Variants in NEK11 observed in about 807,000 individuals in gnomAD.
NEK11 encodes the protein serine/threonine-protein kinase Nek11.
In NEK11, 72 loss-of-function variants were observed where a neutral mutation model predicts 80.7. The observed-to-expected ratio is 0.89, with a 90% CI of 0.74 to 1.08. NEK11 has a LOEUF of 1.08. Among genes scored for constraint, NEK11 ranks in the 50% least tolerant of loss-of-function variants. The pLI is 0.00. For synonymous variants in NEK11, 251 were observed against 260.7 expected, an observed-to-expected ratio of 0.96 and a Z score of 0.36; for missense variants, 764 against 763.6, an observed-to-expected ratio of 1.00 and a Z score of -0.01.
intron 16 of NEK11, among the ~76,000 whole-genome samples, chr3:131,264,924 C>T (rs1561272074): frequency 2.0e-5 from 3 of 152,056 alleles, no homozygotes; most frequent in Non-Finnish European, 4.4e-5. Flanking sequence ...TGAAGAGGTC[C>T]TTCACATCCC....
chr3:131,224,647 A>G (rs1163682710), intron 14 of NEK11, among the ~76,000 whole-genome samples: 1 of 152,156 alleles, frequency 6.6e-6, no homozygotes, highest in Admixed American at 6.5e-5. Flanking sequence ...CACTGTTATC[A>G]CAGTAGATGG....
Position 131,089,512 on chromosome 3 carries a change from C to T in NEK11, c.336+8924C>T, listed in dbSNP as rs576633757. 4.6e-5 allele frequency among the ~76,000 whole-genome samples: 7 copies of T among 152,286 alleles called. No homozygotes were observed. The East Asian group carries it at 9.6e-4, about 21-fold the overall frequency. ...TGAGGGCAGTGATGGGATCTTGGCT[C>T]ACTGTAACCTCTGCCTCCTAGGTTC... On this transcript the variant is annotated intron_variant, in intron 4 of 17. Transcript: ENST00000383366.
At chr3:131,309,448 C>T (rs2096755291) in intron 17 of NEK11, among the ~76,000 whole-genome samples, 1 of 152,098 alleles carries the variant, frequency 6.6e-6, no homozygotes, top group South Asian at 2.1e-4. Flanking sequence ...CTGTCAGAAG[C>T]ATATATGTCT....
intron 14 of NEK11, among the ~76,000 whole-genome samples, chr3:131,195,482 A>G (rs2093965741): frequency 6.6e-6 from 1 of 152,078 alleles, no homozygotes; most frequent in Non-Finnish European, 1.5e-5. Context: ...CTCACCATGT[A>G]CCTAGTTCAT....
chr3:131,113,741 T>C (rs1026443003), intron 5 of NEK11, among the ~76,000 whole-genome samples: 1 of 151,842 alleles, frequency 6.6e-6, no homozygotes, highest in Admixed American at 6.6e-5. Flanking sequence ...TGAAACCCCA[T>C]CTCTACTGAA....
intron 4 of NEK11, among the ~76,000 whole-genome samples, chr3:131,096,458 T>A (rs2077445781): frequency 1.3e-5 from 2 of 152,196 alleles, no homozygotes; most frequent in South Asian, 4.1e-4. Flanking sequence ...TCCATGTCTT[T>A]GCTGTTGTGA....
chr3:131,145,243 C>A (rs2149733276), intron 7 of NEK11, among the ~76,000 whole-genome samples: 1 of 152,194 alleles, frequency 6.6e-6, no homozygotes, highest in East Asian at 1.9e-4. Context: ...TGGCCTCAAC[C>A]ATTGTCCCAC....
intron 17 of NEK11, 38 bp from the exon 18 acceptor site, chr3:131,349,519 G>A (rs1405825386): frequency 5.2e-6 from 8 of 1,535,364 alleles, no homozygotes; most frequent in African/African-American, 1.4e-5. Flanking sequence ...TGATCTTAAT[G>A]TGTAACTCTT....
intron 4 of NEK11, among the ~76,000 whole-genome samples, chr3:131,094,685 G>A (rs1222562299): frequency 6.6e-6 from 1 of 152,172 alleles, no homozygotes; most frequent in Non-Finnish European, 1.5e-5. Flanking sequence ...TGACGGGAAA[G>A]CTTCTGTACA....
At chr3:131,227,403 T>C (rs1206076242) in intron 14 of NEK11, among the ~76,000 whole-genome samples, 1 of 152,170 alleles carries the variant, frequency 6.6e-6, no homozygotes, top group Non-Finnish European at 1.5e-5. Context: ...AGAATTCTAT[T>C]ACTCAATCTC....
At chr3:131,257,982 A>C (rs2095846499) in intron 16 of NEK11, among the ~76,000 whole-genome samples, 1 of 152,194 alleles carries the variant, frequency 6.6e-6, no homozygotes, top group Non-Finnish European at 1.5e-5. Flanking sequence ...AACACTACTC[A>C]TCCATAAAAA....
chr3:131,073,214 G>A (rs2073746578), intron 3 of NEK11, among the ~76,000 whole-genome samples: 1 of 152,122 alleles, frequency 6.6e-6, no homozygotes, highest in Non-Finnish European at 1.5e-5. Flanking sequence ...TTATACAGAT[G>A]GGAAAAGTCA....
At chr3:131,228,797 G>T in intron 15 of NEK11, 109 bp downstream of exon 15, 2 of 1,100,488 alleles carry the variant, frequency 1.8e-6, no homozygotes. Flanking sequence ...ATGGGGAACA[G>T]GGTTATTATA....
At chr3:131,226,421 C>A (rs569275667) in intron 14 of NEK11, among the ~76,000 whole-genome samples, 1 of 151,928 alleles carries the variant, frequency 6.6e-6, no homozygotes, top group Admixed American at 6.6e-5. Context: ...GATATGGAAC[C>A]AACATAACTG....
At chr3:131,257,982 A>G (rs2095846499) in intron 16 of NEK11, among the ~76,000 whole-genome samples, 1 of 152,194 alleles carries the variant, frequency 6.6e-6, no homozygotes, top group Non-Finnish European at 1.5e-5. Context: ...AACACTACTC[A>G]TCCATAAAAA....
chr3:131,089,665 C>T (rs1219599545), intron 4 of NEK11, among the ~76,000 whole-genome samples: 1 of 152,166 alleles, frequency 6.6e-6, no homozygotes, highest in Non-Finnish European at 1.5e-5. Flanking sequence ...TCTCGAACTC[C>T]TGACCTCAAG....
At chr3:131,091,576 CA>C (rs1321724049) in intron 4 of NEK11, among the ~76,000 whole-genome samples, 5 of 151,944 alleles carry the variant, frequency 3.3e-5, no homozygotes, top group Non-Finnish European at 7.4e-5. Context: ...TGCTCATTCA[CA>C]AAAAATAAAG....
chr3:131,202,115 C>T (rs1243549527), intron 14 of NEK11, among the ~76,000 whole-genome samples: 1 of 152,140 alleles, frequency 6.6e-6, no homozygotes, highest in East Asian at 1.9e-4. Context: ...TTAGTGTGAG[C>T]CAAGGGTCCA....
chr3:131,170,951 C>T (rs1285451976), intron 14 of NEK11, 64 bp downstream of exon 14: 1 of 1,173,348 alleles, frequency 8.5e-7, no homozygotes, highest in South Asian at 1.2e-5. Flanking sequence ...CTGTGGCCGA[C>T]TTTGCAGTGG....
Sources: allele counts gnomAD v4.1 joint callset (sites outside exome capture counted in the v4.1 genomes callset), GRCh38; gene constraint gnomAD v4.1.1; transcripts MANE v1.5; gene names NCBI Gene and HGNC (gene_info 2026-07-23, HGNC 2026-07-21).